Variants in GRM8 observed in about 807,000 individuals in gnomAD.
GRM8 encodes the protein metabotropic glutamate receptor 8.
GRM8 carries 47 observed loss-of-function variants against 87.2 expected under a neutral mutation model. The ratio of observed to expected loss-of-function variants is 0.54; its 90% CI spans 0.43 to 0.69. The LOEUF is 0.69. Among genes scored for constraint, GRM8 ranks in the 30% least tolerant of loss-of-function variants. The probability of loss-of-function intolerance (pLI) is 0.00; values close to 1 mark genes in which losing one functional copy is unlikely to be tolerated. For missense variants in GRM8, 1,019 were observed against 1,139.2 expected (o/e 0.89, Z 1.52); for synonymous variants, 396 against 404.5 (o/e 0.98, Z 0.25).
intron 9 of GRM8, among the ~76,000 whole-genome samples, chr7:126,464,958 G>A (rs916367232): frequency 6.6e-6 from 1 of 151,622 alleles, no homozygotes; most frequent in African/African-American, 2.4e-5. Context: ...ATAATAGTCT[G>A]TGTTTTTCTG....
At chr7:127,137,744 T>C (rs576985152) in intron 2 of GRM8, among the ~76,000 whole-genome samples, 127 of 152,134 alleles carry the variant, frequency 8.3e-4, no homozygotes, top group Non-Finnish European at 1.3e-3. Context: ...GAACTATGAA[T>C]CCTGAATACT....
At chr7:126,796,143 C>A (rs1453198705) in intron 6 of GRM8, among the ~76,000 whole-genome samples, 2 of 151,862 alleles carry the variant, frequency 1.3e-5, no homozygotes, top group African/African-American at 2.4e-5. Context: ...TCATAACGTA[C>A]CTTTGTAAAT....
intron 8 of GRM8, among the ~76,000 whole-genome samples, chr7:126,542,291 T>C (rs956467636): frequency 6.6e-6 from 1 of 152,222 alleles, no homozygotes; most frequent in Non-Finnish European, 1.5e-5. Context: ...ATTTGTCAGC[T>C]AATAAACGTG....
intron 3 of GRM8, among the ~76,000 whole-genome samples, chr7:126,974,712 TCAC>T: frequency 6.6e-6 from 1 of 151,972 alleles, no homozygotes; most frequent in East Asian, 1.9e-4. Context: ...GATGGGCAGA[TCAC>T]GAGGTCAGGA....
At chr7:126,966,153 G>A (rs1020029629) in intron 3 of GRM8, among the ~76,000 whole-genome samples, 4 of 151,524 alleles carry the variant, frequency 2.6e-5, no homozygotes, top group Admixed American at 2.6e-4. Flanking sequence ...TTTTTGTTTT[G>A]AGGCAAAGTC....
chr7:126,688,592 G>A (rs896124607), intron 7 of GRM8, among the ~76,000 whole-genome samples: 1 of 152,150 alleles, frequency 6.6e-6, no homozygotes, highest in Non-Finnish European at 1.5e-5. Flanking sequence ...CAATGAGAGT[G>A]AGTTTAGGAA....
At chr7:126,772,616 A>C (rs1818967342) in intron 6 of GRM8, among the ~76,000 whole-genome samples, 1 of 152,084 alleles carries the variant, frequency 6.6e-6, no homozygotes, top group Admixed American at 6.6e-5. Flanking sequence ...ACCACTATAG[A>C]TCTATTGTTT....
intron 3 of GRM8, among the ~76,000 whole-genome samples, chr7:126,910,834 T>C (rs1035692500): frequency 4.6e-5 from 7 of 152,126 alleles, no homozygotes; most frequent in African/African-American, 1.2e-4. Flanking sequence ...CTTGTATGTA[T>C]TGATTTGCTA....
intron 7 of GRM8, among the ~76,000 whole-genome samples, chr7:126,632,799 G>A (rs1394944768): frequency 1.3e-5 from 2 of 152,058 alleles, no homozygotes; most frequent in Admixed American, 1.3e-4. Flanking sequence ...ATCAAATACT[G>A]CATGTTCTTA....
rs1282707057 is a variant in GRM8, at chr7:126,640,081, T to C, written c.1358-30583A>G. ...GACCATAATAGGGCAATCGAAGGAA[T>C]GTGAGATATGAAATCTTTCCAATAG... On this transcript the variant is annotated intron_variant, in intron 7 of 10. Coordinates refer to ENST00000339582, the MANE Select transcript of GRM8 (RefSeq NM_000845.3). 3.9e-5 allele frequency among the ~76,000 whole-genome samples: 6 copies of C among 152,234 alleles called. No homozygotes were observed. In the East Asian group the frequency reaches 9.6e-4, roughly 24 times the overall value.
chr7:126,816,935 A>C (rs1793842373), intron 6 of GRM8, among the ~76,000 whole-genome samples: 1 of 151,988 alleles, frequency 6.6e-6, no homozygotes, highest in Non-Finnish European at 1.5e-5. Flanking sequence ...AAAATCCCAA[A>C]CATCATTATT....
chr7:126,513,796 T>C (rs765073112), intron 9 of GRM8, among the ~76,000 whole-genome samples: 32 of 152,154 alleles, frequency 2.1e-4, no homozygotes, highest in Non-Finnish European at 4.3e-4. Flanking sequence ...TGTTTGTCTA[T>C]ATTAATTCTC....
Position 126,506,083 on chromosome 7 carries a change from T to C in GRM8, c.2430+26869A>G, listed in dbSNP as rs116612929. Among the ~76,000 whole-genome samples the C allele has an allele frequency of 6.2e-3, 947 of 152,220 alleles. 8 individuals carry two copies. Among genetic ancestry groups the C allele is most frequent in the African/African-American group, 0.022 (904 of 41,564 alleles). Reference sequence around the variant, plus strand: ...TCTATTCCACATATAAGTGAGATCATACAGTATTTGTCTTTCTGTGTCTGG... The same window carrying C: ...TCTATTCCACATATAAGTGAGATCACACAGTATTTGTCTTTCTGTGTCTGG... On this transcript the variant is annotated intron_variant, in intron 9 of 10. Coordinates refer to ENST00000339582, the MANE Select transcript of GRM8 (RefSeq NM_000845.3).
intron 2 of GRM8, among the ~76,000 whole-genome samples, chr7:127,177,834 A>G (rs184947848): frequency 1.3e-5 from 2 of 152,332 alleles, no homozygotes; most frequent in East Asian, 3.9e-4. Context: ...CTGTGGGACA[A>G]AAGAATCTGA....
intron 2 of GRM8, among the ~76,000 whole-genome samples, chr7:127,239,183 C>T (rs1215682016): frequency 1.3e-5 from 2 of 152,164 alleles, no homozygotes; most frequent in Non-Finnish European, 2.9e-5. Flanking sequence ...CATGGCCTTC[C>T]TAAAGTTGTC....
intron 1 of GRM8, among the ~76,000 whole-genome samples, chr7:127,246,243 G>A (rs1798577592): frequency 6.6e-6 from 1 of 152,208 alleles, no homozygotes; most frequent in Non-Finnish European, 1.5e-5. Flanking sequence ...TCTTGCTCTT[G>A]TACAATTCTT....
At chr7:126,590,483 T>C (rs773312521) in intron 8 of GRM8, among the ~76,000 whole-genome samples, 11 of 152,128 alleles carry the variant, frequency 7.2e-5, no homozygotes, top group Admixed American at 3.9e-4. Context: ...TCCCCAGTCT[T>C]GATAGAGATC....
At chr7:126,865,869 T>C (rs909005875) in intron 6 of GRM8, among the ~76,000 whole-genome samples, 2 of 152,232 alleles carry the variant, frequency 1.3e-5, no homozygotes, top group African/African-American at 4.8e-5. Flanking sequence ...TTGGCTAATA[T>C]AAATGATGCT....
chr7:126,902,030 T>G (rs996386326), intron 6 of GRM8, among the ~76,000 whole-genome samples: 6 of 152,142 alleles, frequency 3.9e-5, no homozygotes, highest in Admixed American at 3.3e-4. Context: ...ATATTCAATA[T>G]CATTATTATT....
Sources: allele counts gnomAD v4.1 joint callset (sites outside exome capture counted in the v4.1 genomes callset), GRCh38; gene constraint gnomAD v4.1.1; transcripts MANE v1.5; gene names NCBI Gene and HGNC (gene_info 2026-07-23, HGNC 2026-07-21).